The following FRMD4A variants were observed in gnomAD, a reference collection of about 807,000 sequenced individuals.
The protein encoded by FRMD4A is FERM domain containing 4A, also known as FERM domain-containing protein 4A.
In FRMD4A, 29 loss-of-function variants were observed where a neutral mutation model predicts 129.1. That is an observed-to-expected ratio of 0.22 (90% CI 0.17 to 0.31). The LOEUF (loss-of-function observed/expected upper bound fraction) is 0.31, where lower values mean the gene tolerates loss of function less well. FRMD4A is among the 10% of genes least tolerant of loss of function. The probability of loss-of-function intolerance (pLI) is 1.00; values close to 1 mark genes in which losing one functional copy is unlikely to be tolerated. For missense variants in FRMD4A, 1,272 were observed against 1,375.8 expected, an observed-to-expected ratio of 0.92 and a Z score of 1.19; for synonymous variants, 634 against 571.6, an observed-to-expected ratio of 1.11 and a Z score of -1.56.
At chr10:14,045,979 ATAT>A (rs1253928624) in intron 2 of FRMD4A, among the ~76,000 whole-genome samples, 1 of 149,458 alleles carries the variant, frequency 6.7e-6, no homozygotes, top group Non-Finnish European at 1.5e-5. Context: ...CAATACATAC[ATAT>A]TATTCAATGT....
intron 2 of FRMD4A, among the ~76,000 whole-genome samples, chr10:14,108,807 G>A (rs927781356): frequency 6.6e-6 from 1 of 152,142 alleles, no homozygotes; most frequent in African/African-American, 2.4e-5. Flanking sequence ...AAAAAGGACT[G>A]ATAGAAGAAA....
chr10:13,655,870 G>C (rs1564522713), intron 22 of FRMD4A: 1 of 152,240 alleles, frequency 6.6e-6, no homozygotes, highest in East Asian at 1.9e-4. Flanking sequence ...TGAGACCGGA[G>C]CACGAGGCAA....
At chr10:13,984,169 C>T (rs1259793030) in intron 2 of FRMD4A, among the ~76,000 whole-genome samples, 1 of 152,096 alleles carries the variant, frequency 6.6e-6, no homozygotes, top group East Asian at 1.9e-4. Context: ...TTCAGCAAAA[C>T]CCAGGACAGA....
rs1840734210 is a variant in FRMD4A at position 14,158,837 on chromosome 10, A to AGAGGAGAAAGAG, written c.45+171220_45+171221insCTCTTTCTCCTC. Among the ~76,000 whole-genome samples the AGAGGAGAAAGAG allele has an allele frequency of 5.8e-5, 8 of 137,134 alleles. No individual in the cohort carries two copies. In the South Asian group the frequency reaches 1.3e-3, roughly 22 times the overall value. The allele number at this position is 137,134 out of a possible 152,430, so 90.0% of individuals were successfully genotyped here. A position where few individuals can be genotyped will look rare whatever the true frequency, so the allele number is the denominator to read the frequency against. On this transcript the variant is annotated intron_variant, in intron 2 of 24. Coordinates refer to ENST00000357447, the MANE Select transcript of FRMD4A (RefSeq NM_018027.5). ...GAAGGAAGAAGAGGGAGGAGGAGAA[A>AGAGGAGAAAGAG]GAGGAGGAGGAGGAGGAGGAGGAGG...
At chr10:13,813,110 G>T (rs1256655532) in intron 3 of FRMD4A, among the ~76,000 whole-genome samples, 1 of 152,234 alleles carries the variant, frequency 6.6e-6, no homozygotes, top group African/African-American at 2.4e-5. Flanking sequence ...AGGCTTTGCT[G>T]GATCACTTGT....
intron 2 of FRMD4A, among the ~76,000 whole-genome samples, chr10:14,048,473 C>G (rs1487697512): frequency 6.6e-6 from 1 of 152,154 alleles, no homozygotes; most frequent in Admixed American, 6.5e-5. Flanking sequence ...TAGGGCTCTT[C>G]CTAGTCATCA....
intron 2 of FRMD4A, among the ~76,000 whole-genome samples, chr10:14,096,040 A>G (rs1321605828): frequency 6.6e-6 from 1 of 152,222 alleles, no homozygotes; most frequent in Non-Finnish European, 1.5e-5. Flanking sequence ...TGGGGAAAAA[A>G]AGGCACCAAG....
intron 2 of FRMD4A, among the ~76,000 whole-genome samples, chr10:14,124,865 T>C (rs1446002607): frequency 6.6e-6 from 1 of 152,152 alleles, no homozygotes; most frequent in East Asian, 1.9e-4. Context: ...TTAGAGTGTG[T>C]GTAATTTTTC....
chr10:13,708,784 C>G (rs2087729041), intron 12 of FRMD4A, among the ~76,000 whole-genome samples: 2 of 152,240 alleles, frequency 1.3e-5, no homozygotes, highest in African/African-American at 4.8e-5. Flanking sequence ...CAAATTTCCT[C>G]TCTGGTCCCC....
chr10:14,156,233 C>T (rs1364029514), intron 2 of FRMD4A, among the ~76,000 whole-genome samples: 1 of 152,052 alleles, frequency 6.6e-6, no homozygotes, highest in African/African-American at 2.4e-5. Flanking sequence ...ACAATACACA[C>T]CCATGATGAG....
chr10:13,952,548 G>C (rs1205807698), intron 2 of FRMD4A, among the ~76,000 whole-genome samples: 3 of 151,980 alleles, frequency 2.0e-5, no homozygotes, highest in Non-Finnish European at 4.4e-5. Flanking sequence ...AAAGTGAAAG[G>C]AATTTAAAAT....
chr10:13,994,666 T>C (rs2095616163), intron 2 of FRMD4A, among the ~76,000 whole-genome samples: 1 of 152,248 alleles, frequency 6.6e-6, no homozygotes, highest in African/African-American at 2.4e-5. Context: ...AGATATTTCA[T>C]ATCTCTCACT....
chr10:13,794,001 T>C (rs1198576004), intron 5 of FRMD4A, among the ~76,000 whole-genome samples: 1 of 151,974 alleles, frequency 6.6e-6, no homozygotes, highest in East Asian at 1.9e-4. Context: ...GGGACCCTGG[T>C]GATGAGCCCC....
intron 3 of FRMD4A, among the ~76,000 whole-genome samples, chr10:13,835,313 G>T (rs778347257): frequency 1.8e-4 from 27 of 152,058 alleles, no homozygotes; most frequent in Non-Finnish European, 3.5e-4. Flanking sequence ...AACTTACAAG[G>T]GTAATGGTTG....
chr10:13,675,137 G>A (rs951010055), intron 15 of FRMD4A, 93 bp from the exon 16 acceptor site: 24 of 1,157,456 alleles, frequency 2.1e-5, no homozygotes, highest in Non-Finnish European at 3.1e-5. Flanking sequence ...CTGCGGAGAT[G>A]GGATTTACCC....
chr10:14,175,772 G>T (rs553708806), intron 2 of FRMD4A, among the ~76,000 whole-genome samples: 1 of 152,044 alleles, frequency 6.6e-6, no homozygotes, highest in African/African-American at 2.4e-5. Context: ...AGATCCTTCC[G>T]CCTCAGCCTC....
intron 2 of FRMD4A, among the ~76,000 whole-genome samples, chr10:13,881,482 T>C (rs2094545854): frequency 6.6e-6 from 1 of 151,898 alleles, no homozygotes; most frequent in Admixed American, 6.6e-5. Context: ...CCATTTGACA[T>C]AGAAACAGGC....
chr10:14,303,482 A>G (rs1846252356), intron 2 of FRMD4A, among the ~76,000 whole-genome samples: 1 of 152,206 alleles, frequency 6.6e-6, no homozygotes, highest in Non-Finnish European at 1.5e-5. Context: ...TTTGGCTACC[A>G]AGTCCTTGGA....
intron 2 of FRMD4A, among the ~76,000 whole-genome samples, chr10:14,058,975 T>G (rs1218763805): frequency 2.0e-5 from 3 of 152,096 alleles, no homozygotes; most frequent in Non-Finnish European, 4.4e-5. Flanking sequence ...ATGATTTTCA[T>G]TGTCAAGACA....
Sources: gnomAD v4.1 joint callset for allele counts (sites outside exome capture counted in the v4.1 genomes callset) on GRCh38, gnomAD v4.1.1 for gene constraint, MANE v1.5 for transcripts, NCBI Gene and HGNC (gene_info 2026-07-23, HGNC 2026-07-21) for gene names.